Variants in KCNC2 observed in about 807,000 individuals in gnomAD.
KCNC2 encodes the protein voltage-gated potassium channel KCNC2.
A neutral mutation model predicts 44.5 loss-of-function variants in KCNC2; 21 were observed. That is an observed-to-expected ratio of 0.47 (90% confidence interval 0.33 to 0.68). The LOEUF is 0.68. KCNC2 is among the 30% of genes least tolerant of loss of function. KCNC2 has a pLI of 0.01. For synonymous variants in KCNC2, 391 were observed against 339.1 expected (o/e 1.15, Z -1.68); for missense variants, 589 against 826.2 (o/e 0.71, Z 3.52).
chr12:75,085,020 G>T (rs1884878101), intron 2 of KCNC2, among the ~76,000 whole-genome samples: 2 of 84,212 alleles, frequency 2.4e-5, no homozygotes, highest in Non-Finnish European at 5.0e-5. Context: ...TCCCCCAAAT[G>T]CCATAGGAAT....
chr12:75,156,835 A>G (rs1045755423), intron 2 of KCNC2, among the ~76,000 whole-genome samples: 7 of 151,864 alleles, frequency 4.6e-5, no homozygotes, highest in Non-Finnish European at 1.0e-4. Flanking sequence ...TCATTATCAT[A>G]CCCAAATAAT....
chr12:75,178,392 T>C (rs1294391262), intron 2 of KCNC2, among the ~76,000 whole-genome samples: 2 of 152,062 alleles, frequency 1.3e-5, no homozygotes, highest in African/African-American at 4.8e-5. Context: ...GATGGCAATA[T>C]GATTTTTGAA....
At chr12:75,124,523 T>C (rs1290265571) in intron 2 of KCNC2, among the ~76,000 whole-genome samples, 1 of 152,140 alleles carries the variant, frequency 6.6e-6, no homozygotes, top group East Asian at 1.9e-4. Flanking sequence ...CTCGCAGATG[T>C]ATGATTCTGC....
chr12:75,102,814 C>T (rs959242435), intron 2 of KCNC2, among the ~76,000 whole-genome samples: 4 of 151,940 alleles, frequency 2.6e-5, no homozygotes, highest in Non-Finnish European at 4.4e-5. Context: ...ACATCTCCCC[C>T]CCACCCACAC....
chr12:75,201,426 T>C (rs892344249), intron 2 of KCNC2, among the ~76,000 whole-genome samples: 2 of 151,866 alleles, frequency 1.3e-5, no homozygotes, highest in Non-Finnish European at 3.0e-5. Context: ...CTCAAAATTT[T>C]AGAGCTGAAG....
intron 2 of KCNC2, among the ~76,000 whole-genome samples, chr12:75,058,651 G>A (rs1039875959): frequency 6.6e-6 from 1 of 151,986 alleles, no homozygotes; most frequent in Non-Finnish European, 1.5e-5. Context: ...CTTACATAGT[G>A]CCACCAATGT....
rs1222410109 is a variant in KCNC2, at chr12:75,043,168, T to C, written c.1854A>G (p.Thr618=). 9.9e-6 allele frequency: 16 copies of C among 1,612,556 alleles called. No homozygotes were observed. The highest frequency in any genetic ancestry group is 1.4e-5 in the Non-Finnish European group (16 of 1,179,044). ...AGNALRLSPV[T]SPYNSPCPLR... ...GAGGACAAGGAGAGTTGTAGGGTGA[T>C]GTTACTGGAGAGAGCCTCAGAGCAT... Residue 618 remains threonine (T), a synonymous_variant, in exon 5 of 5, where the codon ACA becomes ACG. Transcript: ENST00000549446.
At chr12:75,083,883 A>G (rs1884721052) in intron 2 of KCNC2, among the ~76,000 whole-genome samples, 1 of 152,028 alleles carries the variant, frequency 6.6e-6, no homozygotes, top group African/African-American at 2.4e-5. Flanking sequence ...ATAAATATCA[A>G]GATAAGTAAA....
At chr12:75,088,944 A>G (rs1387180938) in intron 2 of KCNC2, among the ~76,000 whole-genome samples, 2 of 151,912 alleles carry the variant, frequency 1.3e-5, no homozygotes, top group African/African-American at 4.8e-5. Context: ...TTGCTAGGTG[A>G]TAACCTCCAC....
At position 75,202,397 on chromosome 12, in the gene KCNC2, T is replaced by C. The variant is rs941659099; in HGVS notation, c.687+4900A>G. ...CTATCCAATGCTTAGACTATAAGCA[T>C]AAAATTAAATTTATTTATAAGCCTT... On this transcript the variant is annotated intron_variant, in intron 2 of 4. Transcript: ENST00000549446. 9.9e-5 allele frequency among the ~76,000 whole-genome samples: 15 copies of C among 151,814 alleles called. 1 individual carries two copies. Among genetic ancestry groups the C allele is most frequent in the Admixed American group, 9.2e-4 (14 of 15,234 alleles).
intron 2 of KCNC2, among the ~76,000 whole-genome samples, chr12:75,088,209 A>G (rs1018287771): frequency 2.6e-5 from 4 of 152,112 alleles, no homozygotes; most frequent in East Asian, 1.9e-4. Context: ...TCTGGCATGT[A>G]GTAAAATAGA....
intron 2 of KCNC2, among the ~76,000 whole-genome samples, chr12:75,148,710 T>C (rs1421583692): frequency 6.6e-6 from 1 of 152,000 alleles, no homozygotes; most frequent in Non-Finnish European, 1.5e-5. Flanking sequence ...TTGTTGTGGT[T>C]TTATTGCTTC....
At chr12:75,202,816 G>T (rs2031391699) in intron 2 of KCNC2, among the ~76,000 whole-genome samples, 1 of 148,358 alleles carries the variant, frequency 6.7e-6, no homozygotes, top group Non-Finnish European at 1.5e-5. Context: ...TTAGGAAAAT[G>T]TATTTTTAAC....
At chr12:75,148,266 G>T (rs1284843606) in intron 2 of KCNC2, among the ~76,000 whole-genome samples, 1 of 151,958 alleles carries the variant, frequency 6.6e-6, no homozygotes, top group Non-Finnish European at 1.5e-5. Flanking sequence ...TCCTTTACAT[G>T]ACTAGTAAAA....
chr12:75,105,243 G>T (rs961252996), intron 2 of KCNC2, among the ~76,000 whole-genome samples: 15 of 152,100 alleles, frequency 9.9e-5, no homozygotes, highest in African/African-American at 3.1e-4. Context: ...ATAGATACCT[G>T]GGAAAAGAGT....
intron 2 of KCNC2, among the ~76,000 whole-genome samples, chr12:75,109,210 C>A (rs1052732871): frequency 6.6e-6 from 1 of 152,022 alleles, no homozygotes; most frequent in South Asian, 2.1e-4. Flanking sequence ...TATGAATACC[C>A]GATTATAATC....
chr12:75,071,326 C>T (rs1883379948), intron 2 of KCNC2, among the ~76,000 whole-genome samples: 1 of 152,136 alleles, frequency 6.6e-6, no homozygotes, highest in African/African-American at 2.4e-5. Flanking sequence ...TATGTTTCAT[C>T]TCTCCTTCTT....
At chr12:75,106,982 T>A (rs1886836207) in intron 2 of KCNC2, among the ~76,000 whole-genome samples, 1 of 152,138 alleles carries the variant, frequency 6.6e-6, no homozygotes, top group Non-Finnish European at 1.5e-5. Flanking sequence ...ATTCATTTTT[T>A]CTTTAATATT....
intron 2 of KCNC2, among the ~76,000 whole-genome samples, chr12:75,070,065 A>C (rs1592799998): frequency 6.6e-6 from 1 of 152,338 alleles, no homozygotes; most frequent in African/African-American, 2.4e-5. Context: ...ATCATCAGCT[A>C]AGCTATTTGA....
Sources: gnomAD v4.1 joint callset for allele counts (sites outside exome capture counted in the v4.1 genomes callset) on GRCh38, gnomAD v4.1.1 for gene constraint, MANE v1.5 for transcripts, NCBI Gene and HGNC (gene_info 2026-07-23, HGNC 2026-07-21) for gene names.